CASZ1: variants seen among roughly 807,000 people sequenced by gnomAD.
CASZ1 encodes zinc finger protein castor homolog 1.
A neutral mutation model predicts 135.2 loss-of-function variants in CASZ1; 28 were observed. The observed-to-expected ratio is 0.21, with a 90% confidence interval of 0.15 to 0.28. The LOEUF (loss-of-function observed/expected upper bound fraction) is 0.28, where lower values mean the gene tolerates loss of function less well. Ranked by LOEUF, CASZ1 falls within the 10% of genes least tolerant of loss-of-function variation. The pLI is 1.00. For synonymous variants in CASZ1, 1,068 were observed against 1,073.4 expected (o/e 0.99, Z 0.10); for missense variants, 2,161 against 2,453.3 (o/e 0.88, Z 2.52).
At chr1:10,730,356 T>C (rs992243466) in intron 2 of CASZ1, among the ~76,000 whole-genome samples, 1 of 152,180 alleles carries the variant, frequency 6.6e-6, no homozygotes, top group Non-Finnish European at 1.5e-5. Context: ...TAAAATGTCC[T>C]TGATGAAGCT....
chr1:10,787,386 G>A (rs1027958471), intron 1 of CASZ1, among the ~76,000 whole-genome samples: 1 of 152,242 alleles, frequency 6.6e-6, no homozygotes, highest in African/African-American at 2.4e-5. Context: ...AGCCAGAGAT[G>A]CTGGGGCCTG....
chr1:10,758,078 G>A (rs1640292330), intron 2 of CASZ1, among the ~76,000 whole-genome samples: 1 of 152,132 alleles, frequency 6.6e-6, no homozygotes, highest in South Asian at 2.1e-4. Context: ...TCCACTTCCT[G>A]TCCTTCAATC....
At chr1:10,640,166 C>T in intron 20 of CASZ1, 107 bp from the exon 21 acceptor site, 2 of 1,481,698 alleles carry the variant, frequency 1.3e-6, no homozygotes, top group Non-Finnish European at 1.8e-6. Flanking sequence ...CAGAGGGCGG[C>T]ATTTAGGGAG....
At chr1:10,737,766 C>G (rs574805937) in intron 2 of CASZ1, among the ~76,000 whole-genome samples, 1 of 152,330 alleles carries the variant, frequency 6.6e-6, no homozygotes, top group African/African-American at 2.4e-5. Context: ...GCCTGTCGCC[C>G]AAAGGAGCGA....
chr1:10,740,044 C>T (rs1321184870), intron 2 of CASZ1, among the ~76,000 whole-genome samples: 1 of 152,192 alleles, frequency 6.6e-6, no homozygotes, highest in Non-Finnish European at 1.5e-5. Flanking sequence ...CAATTACCAC[C>T]ACCCCATAGG....
intron 2 of CASZ1, among the ~76,000 whole-genome samples, chr1:10,743,417 A>AGGAGAGCCCTGGGAGAGCCCTG (rs147216387): frequency 0.071 from 10,653 of 151,042 alleles, 515 homozygotes; most frequent in Middle Eastern, 0.16. Flanking sequence ...CTCAGAATGA[A>AGGAGAGCCCTGGGAGAGCCCTG]GGAGAGCCCT....
chr1:10,656,817 A>G (rs1642814887), intron 7 of CASZ1, 81 bp from the exon 8 acceptor site: 1 of 897,390 alleles, frequency 1.1e-6, no homozygotes, highest in Non-Finnish European at 1.8e-6. Context: ...CCCAGGGAGG[A>G]CTCTTCGGGC....
At chr1:10,653,321 G>A in intron 11 of CASZ1, 56 bp downstream of exon 11, 2 of 1,575,776 alleles carry the variant, frequency 1.3e-6, no homozygotes, top group Non-Finnish European at 1.7e-6. Flanking sequence ...CTGAGGCCAG[G>A]TGGCCACCCC....
chr1:10,727,907 C>T lies in CASZ1; in HGVS notation c.-76-22363G>A, dbSNP rs1004888459. Among the ~76,000 whole-genome samples the T allele has an allele frequency of 1.2e-4, 18 of 152,232 alleles. No individual in the cohort carries two copies. Among genetic ancestry groups the T allele is most frequent in the African/African-American group, 3.1e-4 (13 of 41,466 alleles). ...GGGAGAACTCAGGCTTGCCATGCCCCGGCACCATGCCAACACGTGGAAGGT... is the reference window on the plus strand; with the variant it reads ...GGGAGAACTCAGGCTTGCCATGCCCTGGCACCATGCCAACACGTGGAAGGT... On this transcript the variant is annotated intron_variant, in intron 2 of 20. Coordinates refer to ENST00000377022, the MANE Select transcript of CASZ1 (RefSeq NM_001079843.3). The surrounding 1 kb of genome is among the most constrained non-coding windows in gnomAD (Gnocchi z 5.3).
At position 10,676,095 on chromosome 1, in the gene CASZ1, CT is replaced by C. The variant is rs1287028313; in HGVS notation, c.17-10525del. On this transcript the variant is annotated intron_variant, in intron 4 of 20. Coordinates refer to ENST00000377022, the MANE Select transcript of CASZ1 (RefSeq NM_001079843.3). This position sits in a 1 kb window ranked among gnomAD's most constrained non-coding sequence, Gnocchi z 4.5. ...CCCCAGGAAGAGGGCGGGGCTCCCC[CT>C]GGACCTAGGCCTGCTCAGAGGCTTG... 6.6e-6 allele frequency among the ~76,000 whole-genome samples: 1 copy of C among 152,210 alleles called. No individual in the cohort carries two copies. The highest frequency in any genetic ancestry group is 1.5e-5 in the Non-Finnish European group (1 of 68,024).
At chr1:10,658,357 C>T (rs1481439896) in intron 7 of CASZ1, 151 bp downstream of exon 7, 22 of 649,296 alleles carry the variant, frequency 3.4e-5, no homozygotes, top group East Asian at 8.2e-5. Flanking sequence ...GGGCAGCCCT[C>T]GGTGCGGTGG....
At chr1:10,761,153 G>T (rs1259162559) in intron 1 of CASZ1, among the ~76,000 whole-genome samples, 2 of 152,248 alleles carry the variant, frequency 1.3e-5, no homozygotes, top group Admixed American at 6.5e-5. Context: ...CCAATCAGGT[G>T]CCTCCCCAGG....
At chr1:10,754,342 G>A (rs905432460) in intron 2 of CASZ1, among the ~76,000 whole-genome samples, 5 of 152,168 alleles carry the variant, frequency 3.3e-5, no homozygotes, top group African/African-American at 9.7e-5. Flanking sequence ...AGGGCAGGAC[G>A]TTGGCCTCTT....
chr1:10,665,331 G>A lies in CASZ1; in HGVS notation c.257C>T (p.Ala86Val). The change falls in exon 5 of 21, where the codon GCA becomes GTA. Residue 86 changes from alanine to valine, a missense_variant. Physicochemically the swap from Ala to Val is moderately conservative, Grantham distance 64 (BLOSUM62 0). Coordinates refer to ENST00000377022, the MANE Select transcript of CASZ1 (RefSeq NM_001079843.3). ...CCCGTTCACCCACTTCTCGATCACT[G>A]CCCGTCTCTTGTCTTCCTCGCTGCG... ...APRSEEDKRR[A>V]VIEKWVNGEY... The A allele has an allele frequency of 1.9e-6, 3 of 1,612,480 alleles. No homozygotes were observed. The highest frequency in any genetic ancestry group is 4.5e-5 in the East Asian group (2 of 44,840).
chr1:10,665,514 C>T lies in CASZ1; in HGVS notation c.74G>A (p.Arg25His), dbSNP rs1365430633. Residue 25 changes from arginine to histidine, a missense_variant, in exon 5 of 21, where the codon CGC becomes CAC. Arg to His is a conservative substitution (Grantham distance 29). This residue lies in a region of CASZ1 where 590 missense variants were observed against 609.8 expected (regional missense o/e 0.97). Coordinates refer to ENST00000377022, the MANE Select transcript of CASZ1 (RefSeq NM_001079843.3). Reference sequence around the variant, plus strand: ...GGCGTTCAGCTTCAGGCCACCCTTGCGTTTGGGCGCCATGGCGGGCTTGCC... The same window carrying T: ...GGCGTTCAGCTTCAGGCCACCCTTGTGTTTGGGCGCCATGGCGGGCTTGCC... ...PAGKPAMAPKRKGGLKLNAIC... is the reference protein window; with the variant it reads ...PAGKPAMAPKHKGGLKLNAIC... The T allele has an allele frequency of 8.1e-6, 13 of 1,600,412 alleles. No homozygotes were observed. Among genetic ancestry groups the T allele is most frequent in the East Asian group, 2.2e-5 (1 of 44,770 alleles).
Position 10,649,072 on chromosome 1 carries a change from T to C in CASZ1, c.3156A>G (p.Ala1052=), listed in dbSNP as rs755659393. The C allele has an allele frequency of 3.7e-6, 6 of 1,612,924 alleles. No homozygotes were observed. Among genetic ancestry groups the C allele is most frequent in the Non-Finnish European group, 5.1e-6 (6 of 1,179,940 alleles). The part of the protein sequence containing the change: ...FSTLDGAIKH[A]NFHFRTEGGA... ...ATGGCCCCCAGCACCCTACTCACTT[T>C]GCGTGCTTGATGGCCCCGTCCAAGG... The change falls in exon 15 of 21, where the codon GCA becomes GCG. Residue 1052 remains alanine, a splice_region_variant and synonymous_variant. Coordinates refer to ENST00000377022, the MANE Select transcript of CASZ1 (RefSeq NM_001079843.3).
intron 2 of CASZ1, among the ~76,000 whole-genome samples, chr1:10,715,136 C>T (rs1639354504): frequency 6.6e-6 from 1 of 152,224 alleles, no homozygotes; most frequent in African/African-American, 2.4e-5. Context: ...TCCGGTTGGC[C>T]CAACTCTGGG....
intron 20 of CASZ1, chr1:10,642,471 CAAG>C (rs957108537): frequency 2.5e-5 from 6 of 239,094 alleles, no homozygotes; most frequent in South Asian, 7.8e-5. Flanking sequence ...GAGAGGGACA[CAAG>C]AAGAAGGGGC....
chr1:10,742,074 C>T lies in CASZ1; in HGVS notation c.-77+18627G>A, dbSNP rs142260749. On this transcript the variant is annotated intron_variant, in intron 2 of 20. Coordinates refer to ENST00000377022, the MANE Select transcript of CASZ1 (RefSeq NM_001079843.3). ...CAGCACTTTGCAACCACAGGGTCCACGGCTGCAAGTCAATACCTCACCCAT... is the reference window on the plus strand; with the variant it reads ...CAGCACTTTGCAACCACAGGGTCCATGGCTGCAAGTCAATACCTCACCCAT... Among the ~76,000 whole-genome samples, 1,235 of 152,266 alleles carry T rather than the reference C, an allele frequency of 8.1e-3. 20 individuals are homozygous for T. Among genetic ancestry groups the T allele is most frequent in the African/African-American group, 0.027 (1,120 of 41,548 alleles).
Sources: allele counts gnomAD v4.1 joint callset (sites outside exome capture counted in the v4.1 genomes callset), GRCh38; gene constraint gnomAD v4.1.1; regional missense constraint gnomAD v4.1.1; non-coding constraint Gnocchi (gnomAD v3.1); transcripts MANE v1.5; gene names NCBI Gene and HGNC (gene_info 2026-07-23, HGNC 2026-07-21).